The following ATXN10 variants were observed in gnomAD, a reference collection of about 807,000 sequenced individuals.
The protein encoded by ATXN10 is ataxin-10.
A neutral mutation model predicts 52.9 loss-of-function variants in ATXN10; 28 were observed. The ratio of observed to expected loss-of-function variants is 0.53; its 90% CI spans 0.39 to 0.73. The LOEUF is 0.73. Among genes scored for constraint, ATXN10 ranks in the 30% least tolerant of loss-of-function variants. The probability of loss-of-function intolerance (pLI) is 0.00; values close to 1 mark genes in which losing one functional copy is unlikely to be tolerated. For missense variants in ATXN10, 565 were observed against 577.0 expected, an observed-to-expected ratio of 0.98 and a Z score of 0.21; for synonymous variants, 226 against 221.5, an observed-to-expected ratio of 1.02 and a Z score of -0.18.
chr22:45,810,468 A>G (rs939269113), intron 10 of ATXN10, among the ~76,000 whole-genome samples: 1 of 152,386 alleles, frequency 6.6e-6, no homozygotes, highest in East Asian at 1.9e-4. Context: ...ATGCACATAC[A>G]TGTATATACC....
At chr22:45,802,853 T>C (rs953845327) in intron 9 of ATXN10, among the ~76,000 whole-genome samples, 1 of 152,240 alleles carries the variant, frequency 6.6e-6, no homozygotes, top group Non-Finnish European at 1.5e-5. Context: ...TTTCCATGCA[T>C]TGAATAATAA....
rs1247583476 is a variant in ATXN10, at chr22:45,775,340, CTT to C, written c.1174-31618_1174-31617del. On this transcript the variant is annotated intron_variant, in intron 9 of 11. Transcript: ENST00000252934. The surrounding 1 kb of genome is among the most constrained non-coding windows in gnomAD (Gnocchi z 4.7). ...GCCTGTTAGCTGAGGTGCACCCTCT[CTT>C]AAGTGGCTTCATGGAGATTTTGTAA... is the stretch of plus-strand genomic sequence containing the variant. Among the ~76,000 whole-genome samples the C allele has an allele frequency of 2.0e-5, 3 of 152,190 alleles. No homozygotes were observed. Among genetic ancestry groups the C allele is most frequent in the Non-Finnish European group, 4.4e-5 (3 of 68,044 alleles).
At position 45,672,153 on chromosome 22, in the gene ATXN10, G is replaced by A; in HGVS notation, c.90G>A (p.Thr30=). The stretch of plus-strand genomic sequence containing the variant: ...ACCTGGAGGCCCTGCGCGCGCTCAC[G>A]GCGCTCTTCAAAGAGCAGCGGAACC... ...IQDLEALRAL[T]ALFKEQRNRE... Residue 30 remains threonine (T), a synonymous_variant, in exon 1 of 12, where the codon ACG becomes ACA. Coordinates refer to ENST00000252934, the MANE Select transcript of ATXN10 (RefSeq NM_013236.4). 1 of 1,539,216 alleles carries A rather than the reference G, an allele frequency of 6.5e-7. No homozygotes were observed. Among genetic ancestry groups the A allele is most frequent in the South Asian group, 1.2e-5 (1 of 83,758 alleles).
At position 45,823,299 on chromosome 22, in the gene ATXN10, G is replaced by A; in HGVS notation, c.1237+16277G>A. ...AAAATTTATCAGTCTTTCCTTCTAT[G>A]TTTAGTGATTTTTGTGTCTCTGAGG... is the stretch of plus-strand genomic sequence containing the variant. On this transcript the variant is annotated intron_variant, in intron 10 of 11. Coordinates refer to ENST00000252934, the MANE Select transcript of ATXN10 (RefSeq NM_013236.4). The surrounding 1 kb of genome is among the most constrained non-coding windows in gnomAD (Gnocchi z 4.9). 1 of 436,446 alleles carries A rather than the reference G, an allele frequency of 2.3e-6. No homozygotes were observed. The highest frequency in any genetic ancestry group is 1.7e-5 in the South Asian group (1 of 58,942). 27.0% of individuals were successfully genotyped at this position (436,446 alleles called of 1,614,324 possible).
At position 45,728,079 on chromosome 22, in the gene ATXN10, G is replaced by A. The variant is rs777484903; in HGVS notation, c.729-1346G>A. On this transcript the variant is annotated intron_variant, in intron 6 of 11. Transcript: ENST00000252934. This position sits in a 1 kb window ranked among gnomAD's most constrained non-coding sequence, Gnocchi z 4.3. ...TATCTTTTAAGTGGAGCATTTAGAT[G>A]ATTTATATTCAATGTTAATACTGAG... Among the ~76,000 whole-genome samples the A allele has an allele frequency of 1.3e-5, 2 of 151,626 alleles. No individual in the cohort carries two copies. Among genetic ancestry groups the A allele is most frequent in the Admixed American group, 6.6e-5 (1 of 15,232 alleles).
chr22:45,761,532 AC>A (rs1926390786), intron 9 of ATXN10, among the ~76,000 whole-genome samples: 1 of 152,244 alleles, frequency 6.6e-6, no homozygotes, highest in Non-Finnish European at 1.5e-5. Flanking sequence ...TTTATGGAAG[AC>A]TAGGTGATAA....
intron 10 of ATXN10, among the ~76,000 whole-genome samples, chr22:45,808,575 C>A (rs548098556): frequency 2.0e-5 from 3 of 152,272 alleles, no homozygotes; most frequent in African/African-American, 7.2e-5. Context: ...GTGTTTACAC[C>A]CATTGCCTTA....
intron 9 of ATXN10, chr22:45,760,597 A>G (rs1926350554): frequency 6.5e-6 from 1 of 154,148 alleles, no homozygotes; most frequent in Admixed American, 6.5e-5. Flanking sequence ...TGTGGTGTCA[A>G]GAATAACAAC....
At chr22:45,704,716 C>T (rs1184986297) in intron 5 of ATXN10, among the ~76,000 whole-genome samples, 1 of 152,076 alleles carries the variant, frequency 6.6e-6, no homozygotes, top group Non-Finnish European at 1.5e-5. Flanking sequence ...AGGACCGTGC[C>T]ATCTGCAAGT....
At position 45,841,997 on chromosome 22, in the gene ATXN10, GT is replaced by G; in HGVS notation, c.1238-993del. 6.6e-6 allele frequency among the ~76,000 whole-genome samples: 1 copy of G among 152,138 alleles called. No homozygotes were observed. The highest frequency in any genetic ancestry group is 1.5e-5 in the Non-Finnish European group (1 of 68,020). ...AATCATCAGGGGACAGGACTTGTTTGTCTTGCTGCCTTTATCTGCTCGTGGG... is the reference window on the plus strand; with the variant it reads ...AATCATCAGGGGACAGGACTTGTTTGCTTGCTGCCTTTATCTGCTCGTGGG... On this transcript the variant is annotated intron_variant, in intron 10 of 11. Transcript: ENST00000252934. This position sits in a 1 kb window ranked among gnomAD's most constrained non-coding sequence, Gnocchi z 5.1.
chr22:45,698,289 C>G (rs1472637190), intron 3 of ATXN10, among the ~76,000 whole-genome samples: 2 of 152,148 alleles, frequency 1.3e-5, no homozygotes, highest in African/African-American at 4.8e-5. Context: ...TTCTTGCATC[C>G]TTGCTGACTC....
intron 9 of ATXN10, among the ~76,000 whole-genome samples, chr22:45,758,423 A>T (rs961948661): frequency 1.3e-5 from 2 of 152,232 alleles, no homozygotes; most frequent in African/African-American, 4.8e-5. Flanking sequence ...ATAGCCACTG[A>T]CTTTGTGCTT....
chr22:45,790,406 T>C lies in ATXN10; in HGVS notation c.1174-16553T>C, dbSNP rs910461339. On this transcript the variant is annotated intron_variant, in intron 9 of 11. Coordinates refer to ENST00000252934, the MANE Select transcript of ATXN10 (RefSeq NM_013236.4). This position sits in a 1 kb window ranked among gnomAD's most constrained non-coding sequence, Gnocchi z 4.7. ...CGCCGCCCCACACATACACCAGAGT[T>C]AGAAAACAAGCCAATTCCTGGTCTT... Among the ~76,000 whole-genome samples, 1 of 152,166 alleles carries C rather than the reference T, an allele frequency of 6.6e-6. No individual in the cohort carries two copies. The highest frequency in any genetic ancestry group is 2.4e-5 in the African/African-American group (1 of 41,450).
Position 45,728,326 on chromosome 22 carries a change from A to G in ATXN10, c.729-1099A>G, listed in dbSNP as rs1180727190. On this transcript the variant is annotated intron_variant, in intron 6 of 11. Coordinates refer to ENST00000252934, the MANE Select transcript of ATXN10 (RefSeq NM_013236.4). The surrounding 1 kb of genome is among the most constrained non-coding windows in gnomAD (Gnocchi z 4.3). ...ACAGAAATTCTCTAATACTGTGCTC[A>G]ACTGAGTGGACCGTGTATTAGTTTT... Among the ~76,000 whole-genome samples, 1 of 152,196 alleles carries G rather than the reference A, an allele frequency of 6.6e-6. No individual in the cohort carries two copies. The highest frequency in any genetic ancestry group is 1.5e-5 in the Non-Finnish European group (1 of 68,034).
In ATXN10 at chr22:45,787,132, A is replaced by G. The variant is rs2146859806; in HGVS notation, c.1174-19827A>G. On this transcript the variant is annotated intron_variant, in intron 9 of 11. Transcript: ENST00000252934. The surrounding 1 kb of genome is among the most constrained non-coding windows in gnomAD (Gnocchi z 4.2). Reference sequence around the variant, plus strand: ...AAGATCTAAAATACTGTATATATAAAGATGATCTTCATTTTTTAACAAATT... The same window carrying G: ...AAGATCTAAAATACTGTATATATAAGGATGATCTTCATTTTTTAACAAATT... Among the ~76,000 whole-genome samples, 1 of 152,368 alleles carries G rather than the reference A, an allele frequency of 6.6e-6. No individual in the cohort carries two copies. Among genetic ancestry groups the G allele is most frequent in the Non-Finnish European group, 1.5e-5 (1 of 68,038 alleles).
At chr22:45,692,456 A>G (rs923220892) in intron 2 of ATXN10, among the ~76,000 whole-genome samples, 2 of 152,112 alleles carry the variant, frequency 1.3e-5, no homozygotes, top group African/African-American at 4.8e-5. Context: ...GAAAATTTCA[A>G]CCATTTAGGG....
At chr22:45,730,951 A>G (rs1044052130) in intron 7 of ATXN10, among the ~76,000 whole-genome samples, 4 of 152,324 alleles carry the variant, frequency 2.6e-5, no homozygotes, top group African/African-American at 9.6e-5. Context: ...GGAGATTCCT[A>G]GTGGTATACT....
chr22:45,695,127 T>G (rs2146745134), intron 3 of ATXN10, among the ~76,000 whole-genome samples: 2 of 151,538 alleles, frequency 1.3e-5, no homozygotes, highest in Middle Eastern at 6.8e-3. Flanking sequence ...TCAGGAGATC[T>G]ACCTGGCTAA....
intron 5 of ATXN10, among the ~76,000 whole-genome samples, chr22:45,703,691 G>C (rs190989722): frequency 1.8e-4 from 27 of 152,288 alleles, no homozygotes; most frequent in Non-Finnish European, 2.8e-4. Context: ...AGCTCCTCCT[G>C]ATCCTTGTCC....
Sources: gnomAD v4.1 joint callset for allele counts (sites outside exome capture counted in the v4.1 genomes callset) on GRCh38, gnomAD v4.1.1 for gene constraint, Gnocchi (gnomAD v3.1) non-coding constraint, MANE v1.5 for transcripts, NCBI Gene and HGNC (gene_info 2026-07-23, HGNC 2026-07-21) for gene names.